STRN3: variants seen among roughly 807,000 people sequenced by gnomAD.
The protein encoded by STRN3 is striatin 3.
STRN3 carries 29 observed loss-of-function variants against 95.6 expected under a neutral mutation model. That is an observed-to-expected ratio of 0.30 (90% confidence interval 0.23 to 0.41). The LOEUF is 0.41. Among genes scored for constraint, STRN3 ranks in the 10% least tolerant of loss-of-function variants. The pLI, the probability that STRN3 is intolerant of heterozygous loss-of-function variation, is 1.00. For synonymous variants in STRN3, 331 were observed against 357.6 expected, an observed-to-expected ratio of 0.93 and a Z score of 0.84; for missense variants, 890 against 972.1, an observed-to-expected ratio of 0.92 and a Z score of 1.12.
At chr14:30,957,605 T>C (rs899018861) in intron 1 of STRN3, among the ~76,000 whole-genome samples, 32 of 152,206 alleles carry the variant, frequency 2.1e-4, no homozygotes, top group African/African-American at 6.5e-4. Context: ...CATTACCTCA[T>C]TGCTTTCTAT....
At chr14:30,944,482 TA>T (rs1189290022) in intron 5 of STRN3, among the ~76,000 whole-genome samples, 2 of 148,164 alleles carry the variant, frequency 1.3e-5, no homozygotes, top group East Asian at 2.0e-4. Context: ...TATATATACA[TA>T]ATATATACAC....
chr14:31,025,303 GAAAGTACTT>G (rs1224655697), intron 1 of STRN3: 1 of 155,134 alleles, frequency 6.4e-6, no homozygotes, highest in African/African-American at 2.4e-5. Context: ...TCTCAGGTGA[GAAAGTACTT>G]AAAGTTGACG....
chr14:30,970,371 A>G (rs1419218113), intron 1 of STRN3, among the ~76,000 whole-genome samples: 1 of 152,170 alleles, frequency 6.6e-6, no homozygotes, highest in African/African-American at 2.4e-5. Context: ...CGTTCTGTGG[A>G]CCACTAAAGA....
At chr14:30,998,194 C>A (rs761974462) in intron 1 of STRN3, among the ~76,000 whole-genome samples, 1 of 152,188 alleles carries the variant, frequency 6.6e-6, no homozygotes, top group Non-Finnish European at 1.5e-5. Flanking sequence ...AGACTACTAG[C>A]AAAGCCATCT....
At chr14:30,917,693 A>C (rs1401311463) in intron 9 of STRN3, among the ~76,000 whole-genome samples, 1 of 149,974 alleles carries the variant, frequency 6.7e-6, no homozygotes, top group African/African-American at 2.4e-5. Flanking sequence ...GTTTTGAATG[A>C]TTTTGTTACT....
At chr14:31,019,796 A>G (rs1883415375) in intron 1 of STRN3, among the ~76,000 whole-genome samples, 1 of 152,166 alleles carries the variant, frequency 6.6e-6, no homozygotes, top group Admixed American at 6.6e-5. Context: ...CAAAAAATCA[A>G]GCATCAGTGA....
In STRN3 at chr14:30,929,193, G is replaced by C; in HGVS notation, c.1099+8C>G. 6.3e-7 allele frequency: 1 copy of C among 1,596,144 alleles called. No homozygotes were observed. Among genetic ancestry groups the C allele is most frequent in the South Asian group, 1.1e-5 (1 of 87,892 alleles). ...ACAAAAATTATAATAGTCAGAATCT[G>C]CACTTACTCTTCACCCCTTTCTTCC... On this transcript the variant is annotated splice_region_variant and intron_variant, in intron 8 of 17. Transcript: ENST00000357479.
At chr14:30,899,698 C>T (rs1439104445) in intron 16 of STRN3, among the ~76,000 whole-genome samples, 4 of 152,094 alleles carry the variant, frequency 2.6e-5, no homozygotes, top group Non-Finnish European at 4.4e-5. Context: ...CAACCAACCC[C>T]AAACACCTTT....
intron 3 of STRN3, among the ~76,000 whole-genome samples, chr14:30,954,015 G>A (rs1473208097): frequency 6.6e-6 from 1 of 152,128 alleles, no homozygotes; most frequent in African/African-American, 2.4e-5. Context: ...TAACACCAAT[G>A]TCGACGAATT....
intron 1 of STRN3, among the ~76,000 whole-genome samples, chr14:31,008,908 A>G (rs1235170760): frequency 6.6e-6 from 1 of 152,010 alleles, no homozygotes; most frequent in Admixed American, 6.6e-5. Context: ...GCATAGTGAC[A>G]CACACCTATA....
intron 16 of STRN3, among the ~76,000 whole-genome samples, chr14:30,902,329 G>C (rs747734722): frequency 1.3e-5 from 2 of 151,644 alleles, no homozygotes; most frequent in African/African-American, 4.8e-5. Context: ...TGAAGAAATC[G>C]TAATAGCTAG....
At position 30,895,213 on chromosome 14, in the gene STRN3, G is replaced by T; in HGVS notation, c.*198C>A. On this transcript the variant is annotated 3_prime_UTR_variant, in exon 18 of 18. Transcript: ENST00000357479. Reference sequence around the variant, plus strand: ...CAAATACTGGAGTCCTTTTTTCTTTGTCCCACAAAATACAGTAATTACAGT... The same window carrying T: ...CAAATACTGGAGTCCTTTTTTCTTTTTCCCACAAAATACAGTAATTACAGT... 1.2e-5 allele frequency: 7 copies of T among 583,496 alleles called. No homozygotes were observed. Among genetic ancestry groups the T allele is most frequent in the Middle Eastern group, 4.1e-4 (1 of 2,454 alleles). 36.1% of individuals were successfully genotyped at this position (583,496 alleles called of 1,614,324 possible).
At chr14:30,933,196 T>C (rs1878627531) in intron 7 of STRN3, among the ~76,000 whole-genome samples, 1 of 147,604 alleles carries the variant, frequency 6.8e-6, no homozygotes, top group African/African-American at 2.5e-5. Flanking sequence ...GGAAGACCCC[T>C]TGAGCCTGGG....
At chr14:30,969,358 A>G (rs1459628938) in intron 1 of STRN3, among the ~76,000 whole-genome samples, 3 of 151,786 alleles carry the variant, frequency 2.0e-5, no homozygotes, top group Non-Finnish European at 2.9e-5. Context: ...AATGGCGTGA[A>G]CCCGGGAGGC....
chr14:30,901,434 G>A (rs1254089428), intron 16 of STRN3, among the ~76,000 whole-genome samples: 1 of 152,156 alleles, frequency 6.6e-6, no homozygotes, highest in East Asian at 1.9e-4. Flanking sequence ...GGGTCTCATT[G>A]TTAAGACTAC....
intron 1 of STRN3, among the ~76,000 whole-genome samples, chr14:30,971,015 T>A (rs1880800975): frequency 1.3e-5 from 2 of 152,212 alleles, no homozygotes; most frequent in Non-Finnish European, 2.9e-5. Flanking sequence ...ACCCTGCGGG[T>A]CAGCCCCCGA....
chr14:30,911,992 C>T lies in STRN3; in HGVS notation c.1550+15G>A. 1 of 1,604,254 alleles carries T rather than the reference C, an allele frequency of 6.2e-7. No individual in the cohort carries two copies. Among genetic ancestry groups the T allele is most frequent in the South Asian group, 1.1e-5 (1 of 88,680 alleles). On this transcript the variant is annotated intron_variant, in intron 11 of 17. Transcript: ENST00000357479. ...AATTGGAAGAAATACACCAGGCTAA[C>T]ACTAAAATACTTGCTTTTTGGCAGG...
chr14:30,922,396 T>C (rs1896907924), intron 8 of STRN3, among the ~76,000 whole-genome samples: 1 of 152,142 alleles, frequency 6.6e-6, no homozygotes, highest in Non-Finnish European at 1.5e-5. Context: ...CCTATATAAA[T>C]GCATAATCCT....
intron 8 of STRN3, among the ~76,000 whole-genome samples, chr14:30,924,290 T>TTTTTTGA: frequency 1.4e-5 from 1 of 73,620 alleles, no homozygotes; most frequent in Non-Finnish European, 2.8e-5. Flanking sequence ...CTTAAATCTT[T>TTTTTTGA]TTTTTTTTTT....
Sources: gnomAD v4.1 joint callset for allele counts (sites outside exome capture counted in the v4.1 genomes callset) on GRCh38, gnomAD v4.1.1 for gene constraint, MANE v1.5 for transcripts, NCBI Gene and HGNC (gene_info 2026-07-23, HGNC 2026-07-21) for gene names.